The following CSMD3 variants were observed in gnomAD, a reference collection of about 807,000 sequenced individuals.
The protein encoded by CSMD3 is CUB and Sushi multiple domains 3.
A neutral mutation model predicts 435.2 loss-of-function variants in CSMD3; 177 were observed. That is an observed-to-expected ratio of 0.41 (90% confidence interval 0.36 to 0.46). The LOEUF (loss-of-function observed/expected upper bound fraction) is 0.46, where lower values mean the gene tolerates loss of function less well. CSMD3 is among the 20% of genes least tolerant of loss of function. The pLI is 0.34. For synonymous variants in CSMD3, 1,656 were observed against 1,520.5 expected (o/e 1.09, Z -2.07); for missense variants, 4,265 against 4,504.6 (o/e 0.95, Z 1.52).
At chr8:113,179,793 G>A (rs1459853077) in intron 3 of CSMD3, among the ~76,000 whole-genome samples, 1 of 151,448 alleles carries the variant, frequency 6.6e-6, no homozygotes, top group African/African-American at 2.4e-5. Context: ...TTGGATAAAT[G>A]AAATAAAACT....
At chr8:112,355,446 A>G (rs2131080923) in intron 38 of CSMD3, among the ~76,000 whole-genome samples, 1 of 152,324 alleles carries the variant, frequency 6.6e-6, no homozygotes, top group South Asian at 2.1e-4. Context: ...TCATAATGGG[A>G]GAAAATGTTC....
intron 4 of CSMD3, among the ~76,000 whole-genome samples, chr8:113,153,072 A>G (rs2091847834): frequency 9.9e-6 from 1 of 100,842 alleles, no homozygotes; most frequent in African/African-American, 3.7e-5. Context: ...AGAAAAAAGA[A>G]AGAAAAAGAA....
At chr8:113,405,849 A>T (rs1325698079) in intron 1 of CSMD3, among the ~76,000 whole-genome samples, 1 of 151,794 alleles carries the variant, frequency 6.6e-6, no homozygotes, top group Non-Finnish European at 1.5e-5. Context: ...ATGCTTCCAT[A>T]TTTTTTATTA....
At chr8:112,886,981 T>A (rs1451694507) in intron 10 of CSMD3, among the ~76,000 whole-genome samples, 1 of 151,512 alleles carries the variant, frequency 6.6e-6, no homozygotes, top group South Asian at 2.1e-4. Flanking sequence ...GCTGACTGTA[T>A]GGTTTAAGTG....
At chr8:113,120,432 A>C (rs2090954734) in intron 4 of CSMD3, among the ~76,000 whole-genome samples, 1 of 152,122 alleles carries the variant, frequency 6.6e-6, no homozygotes, top group Non-Finnish European at 1.5e-5. Context: ...GTATTTTTGC[A>C]TACTTAAATA....
At chr8:112,406,997 A>T (rs1831917876) in intron 34 of CSMD3, among the ~76,000 whole-genome samples, 1 of 152,064 alleles carries the variant, frequency 6.6e-6, no homozygotes, top group East Asian at 1.9e-4. Context: ...GAACTCATTA[A>T]TATTACAAAA....
At chr8:113,142,089 C>A (rs1484154895) in intron 4 of CSMD3, among the ~76,000 whole-genome samples, 1 of 150,970 alleles carries the variant, frequency 6.6e-6, no homozygotes, top group Non-Finnish European at 1.5e-5. Flanking sequence ...CTGTATCCCC[C>A]AAAATTATAA....
intron 1 of CSMD3, among the ~76,000 whole-genome samples, chr8:113,327,609 T>G (rs113014666): frequency 5.9e-5 from 9 of 152,158 alleles, no homozygotes; most frequent in African/African-American, 1.9e-4. Flanking sequence ...CAGACCAGAT[T>G]TGGTGCTCCT....
intron 9 of CSMD3, among the ~76,000 whole-genome samples, chr8:112,940,147 TATG>T (rs1035631051): frequency 2.0e-5 from 3 of 151,940 alleles, no homozygotes; most frequent in African/African-American, 7.2e-5. Flanking sequence ...TGATTTACAT[TATG>T]ATAATAAACT....
intron 4 of CSMD3, among the ~76,000 whole-genome samples, chr8:113,133,791 A>C (rs577654204): frequency 6.6e-6 from 1 of 152,262 alleles, no homozygotes; most frequent in South Asian, 2.1e-4. Flanking sequence ...AGTGAAATAA[A>C]TCCGTTATCA....
chr8:112,662,076 T>A (rs922298732), intron 17 of CSMD3, among the ~76,000 whole-genome samples: 1 of 151,978 alleles, frequency 6.6e-6, no homozygotes. Context: ...GAATCAATAT[T>A]GTGAAAATGG....
At chr8:112,263,118 T>C (rs144778335) in intron 61 of CSMD3, among the ~76,000 whole-genome samples, 37 of 142,886 alleles carry the variant, frequency 2.6e-4, no homozygotes, top group East Asian at 2.3e-3. Flanking sequence ...GCTAGGTATA[T>C]AGTATACAGC....
chr8:112,686,209 G>C (rs2076007453), intron 14 of CSMD3, among the ~76,000 whole-genome samples: 1 of 152,136 alleles, frequency 6.6e-6, no homozygotes, highest in Non-Finnish European at 1.5e-5. Context: ...TGGATGCTCT[G>C]ATAGTTTACT....
At chr8:113,039,628 A>T (rs2131279711) in intron 5 of CSMD3, among the ~76,000 whole-genome samples, 1 of 152,332 alleles carries the variant, frequency 6.6e-6, no homozygotes, top group African/African-American at 2.4e-5. Context: ...AGAAAAAAAT[A>T]AAAGCACATA....
chr8:112,329,561 A>C (rs1823839601), intron 45 of CSMD3, among the ~76,000 whole-genome samples: 1 of 152,062 alleles, frequency 6.6e-6, no homozygotes. Context: ...TTCCTTTATC[A>C]AGCCTCTCCT....
intron 14 of CSMD3, 144 bp from the exon 15 acceptor site, chr8:112,685,876 G>T: frequency 3.1e-6 from 2 of 641,780 alleles, no homozygotes; most frequent in South Asian, 2.2e-5. Context: ...GAACAAAACG[G>T]TTACCATTTT....
intron 1 of CSMD3, among the ~76,000 whole-genome samples, chr8:113,321,479 TTAAGG>T (rs2093949131): frequency 6.6e-6 from 1 of 152,176 alleles, no homozygotes; most frequent in Non-Finnish European, 1.5e-5. Context: ...TTACTAGATA[TTAAGG>T]TAAAGTGTCA....
chr8:113,342,659 C>T (rs1302312768), intron 1 of CSMD3, among the ~76,000 whole-genome samples: 2 of 152,108 alleles, frequency 1.3e-5, no homozygotes. Flanking sequence ...ACAAGATTCT[C>T]AGGCATATTA....
At chr8:113,164,055 T>A (rs1410491158) in intron 4 of CSMD3, among the ~76,000 whole-genome samples, 1 of 152,020 alleles carries the variant, frequency 6.6e-6, no homozygotes, top group Non-Finnish European at 1.5e-5. Flanking sequence ...TTTGTGAGAC[T>A]ATAAACTAAT....
Sources: gnomAD v4.1 joint callset for allele counts (sites outside exome capture counted in the v4.1 genomes callset) on GRCh38, gnomAD v4.1.1 for gene constraint, MANE v1.5 for transcripts, NCBI Gene and HGNC (gene_info 2026-07-23, HGNC 2026-07-21) for gene names.